The following TTC28 variants were observed in gnomAD, a reference collection of about 807,000 sequenced individuals.
TTC28 encodes the protein tetratricopeptide repeat domain 28, also known as tetratricopeptide repeat protein 28.
In TTC28, 61 loss-of-function variants were observed where a neutral mutation model predicts 198.0. The observed-to-expected ratio is 0.31, with a 90% CI of 0.25 to 0.38. The LOEUF (loss-of-function observed/expected upper bound fraction) is 0.38, where lower values mean the gene tolerates loss of function less well. TTC28 is among the 10% of genes least tolerant of loss of function. The pLI, the probability that TTC28 is intolerant of heterozygous loss-of-function variation, is 1.00. For missense variants in TTC28, 2,678 were observed against 3,164.0 expected (o/e 0.85, Z 3.69); for synonymous variants, 1,171 against 1,297.8 (o/e 0.90, Z 2.10).
rs191476585 is a variant in TTC28 at position 28,047,541 on chromosome 22, C to T, written c.3933-17175G>A. ...AGCAAGCCGCAGGGCCCCTCTAAAG[C>T]GCCCACAAAAAGCAAGGTTCCACTC... is the stretch of plus-strand genomic sequence containing the variant. On this transcript the variant is annotated intron_variant, in intron 12 of 22. Coordinates refer to ENST00000397906, the MANE Select transcript of TTC28 (RefSeq NM_001145418.2). Among the ~76,000 whole-genome samples the T allele has an allele frequency of 9.6e-4, 146 of 152,284 alleles. 1 individual carries two copies. Among genetic ancestry groups the T allele is most frequent in the African/African-American group, 3.2e-3 (134 of 41,552 alleles).
At chr22:28,079,150 A>C (rs1446071810) in intron 12 of TTC28, among the ~76,000 whole-genome samples, 1 of 152,122 alleles carries the variant, frequency 6.6e-6, no homozygotes, top group African/African-American at 2.4e-5. Context: ...GGTGGGTAGG[A>C]GGGCAAGGAA....
intron 2 of TTC28, among the ~76,000 whole-genome samples, chr22:28,571,075 T>C (rs2050052187): frequency 1.3e-5 from 2 of 152,248 alleles, no homozygotes; most frequent in African/African-American, 2.4e-5. Flanking sequence ...TGATAGTATG[T>C]TTAACATCTG....
intron 2 of TTC28, among the ~76,000 whole-genome samples, chr22:28,498,458 T>C (rs16986480): frequency 0.016 from 2,469 of 152,244 alleles, 90 homozygotes; most frequent in African/African-American, 0.057. Context: ...AACAAGACAT[T>C]AATAGGGACA....
intron 6 of TTC28, among the ~76,000 whole-genome samples, chr22:28,119,378 A>G (rs1942724654): frequency 6.6e-6 from 1 of 152,238 alleles, no homozygotes; most frequent in South Asian, 2.1e-4. Context: ...TAGCTAGAGT[A>G]CAACTCACTG....
chr22:28,606,251 T>G (rs185438258), intron 2 of TTC28, among the ~76,000 whole-genome samples: 1 of 152,100 alleles, frequency 6.6e-6, no homozygotes, highest in East Asian at 1.9e-4. Flanking sequence ...GCATGGCTTT[T>G]TCTTTTCTTT....
intron 9 of TTC28, among the ~76,000 whole-genome samples, chr22:28,100,346 C>T (rs1381078034): frequency 6.6e-6 from 1 of 152,110 alleles, no homozygotes; most frequent in African/African-American, 2.4e-5. Flanking sequence ...ATAGTTTCTA[C>T]CTCACAGGGT....
chr22:28,186,028 T>G (rs1334715980), intron 5 of TTC28, among the ~76,000 whole-genome samples: 1 of 152,178 alleles, frequency 6.6e-6, no homozygotes, highest in African/African-American at 2.4e-5. Flanking sequence ...TATTTACAAT[T>G]AAGTGCTTAG....
chr22:28,304,603 G>C (rs971326194), intron 3 of TTC28, among the ~76,000 whole-genome samples: 2 of 152,200 alleles, frequency 1.3e-5, no homozygotes, highest in African/African-American at 4.8e-5. Flanking sequence ...ACCTGGTAGA[G>C]AAAACCCTAA....
intron 13 of TTC28, among the ~76,000 whole-genome samples, chr22:28,015,678 G>A (rs1293626308): frequency 6.6e-6 from 1 of 151,714 alleles, no homozygotes; most frequent in African/African-American, 2.4e-5. Flanking sequence ...CTCCCACCTT[G>A]GCCTCCTAAA....
intron 2 of TTC28, among the ~76,000 whole-genome samples, chr22:28,593,411 CAGACTCTT>C (rs1185800146): frequency 1.3e-5 from 2 of 152,078 alleles, no homozygotes; most frequent in African/African-American, 2.4e-5. Context: ...CTGTCAGTTG[CAGACTCTT>C]AGCAACCAGA....
rs969871463 is a variant in TTC28 at position 28,062,059 on chromosome 22, C to CT, written c.3933-31694dup. ...TATAACTCAACTTTAAGTCTACTAT[C>CT]TTTTTTTTTTGAGAGTCTCCCTCTG... On this transcript the variant is annotated intron_variant, in intron 12 of 22. Coordinates refer to ENST00000397906, the MANE Select transcript of TTC28 (RefSeq NM_001145418.2). Among the ~76,000 whole-genome samples, 265 of 149,552 alleles carry CT rather than the reference C, an allele frequency of 1.8e-3. 2 individuals carry two copies. Among genetic ancestry groups the CT allele is most frequent in the South Asian group, 0.015 (72 of 4,696 alleles).
chr22:28,675,233 C>T (rs1178293091), intron 1 of TTC28, among the ~76,000 whole-genome samples: 2 of 151,936 alleles, frequency 1.3e-5, no homozygotes, highest in Admixed American at 6.6e-5. Context: ...CACCTCACAC[C>T]ACACACAAAA....
chr22:28,101,394 C>G, intron 8 of TTC28, 114 bp from the exon 9 acceptor site: 1 of 883,158 alleles, frequency 1.1e-6, no homozygotes, highest in African/African-American at 1.7e-5. Flanking sequence ...GAGACAGGGT[C>G]TCACTCTGTT....
Position 28,184,859 on chromosome 22 carries a change from A to G in TTC28, c.934-21260T>C, listed in dbSNP as rs569092427. Among the ~76,000 whole-genome samples, 9 of 152,268 alleles carry G rather than the reference A, an allele frequency of 5.9e-5. No homozygotes were observed. The South Asian group carries it at 1.9e-3, about 32-fold the overall frequency. The stretch of plus-strand genomic sequence containing the variant: ...TGTATATTCTATTTAACATAATAAG[A>G]AAAGGTATAGGGTACAGGTTAAGGG... On this transcript the variant is annotated intron_variant, in intron 5 of 22. Transcript: ENST00000397906.
intron 1 of TTC28, among the ~76,000 whole-genome samples, chr22:28,655,099 C>T (rs2051622952): frequency 6.6e-6 from 1 of 152,152 alleles, no homozygotes; most frequent in Non-Finnish European, 1.5e-5. Flanking sequence ...AAATGCAGGA[C>T]ATCACTTATA....
chr22:28,415,806 TC>T (rs974839803), intron 2 of TTC28, among the ~76,000 whole-genome samples: 2 of 151,566 alleles, frequency 1.3e-5, no homozygotes, highest in African/African-American at 4.9e-5. Context: ...CAGTTGTACA[TC>T]TTCCTTCAGT....
chr22:28,283,252 C>T (rs1449967569), intron 5 of TTC28, among the ~76,000 whole-genome samples: 3 of 151,992 alleles, frequency 2.0e-5, no homozygotes, highest in Admixed American at 6.6e-5. Flanking sequence ...AAATGTAATG[C>T]TTTTTACCTT....
chr22:28,031,177 A>G (rs1176619774), intron 12 of TTC28, among the ~76,000 whole-genome samples: 3 of 152,196 alleles, frequency 2.0e-5, no homozygotes, highest in Non-Finnish European at 2.9e-5. Flanking sequence ...TGACACACGG[A>G]CAGCCAGGCC....
At chr22:28,281,744 G>A (rs1438897340) in intron 5 of TTC28, among the ~76,000 whole-genome samples, 3 of 152,164 alleles carry the variant, frequency 2.0e-5, no homozygotes, top group Non-Finnish European at 4.4e-5. Flanking sequence ...GCAGTTAACC[G>A]TGATGAACTC....
Sources: allele counts gnomAD v4.1 joint callset (sites outside exome capture counted in the v4.1 genomes callset), GRCh38; gene constraint gnomAD v4.1.1; transcripts MANE v1.5; gene names NCBI Gene and HGNC (gene_info 2026-07-23, HGNC 2026-07-21).